AGBL3: variants seen among roughly 807,000 people sequenced by gnomAD.
The protein encoded by AGBL3 is cytosolic carboxypeptidase 3.
Under a neutral mutation model 94.5 loss-of-function variants are expected in AGBL3, and 68 were observed. The ratio of observed to expected loss-of-function variants is 0.72; its 90% CI spans 0.59 to 0.88. The LOEUF is 0.88. AGBL3 is among the 40% of genes least tolerant of loss of function. The pLI, the probability that AGBL3 is intolerant of heterozygous loss-of-function variation, is 0.00. For missense variants in AGBL3, 934 were observed against 1,103.8 expected, an observed-to-expected ratio of 0.85 and a Z score of 2.18; for synonymous variants, 354 against 370.7, an observed-to-expected ratio of 0.95 and a Z score of 0.52.
intron 1 of AGBL3, among the ~76,000 whole-genome samples, chr7:134,987,596 AAT>A (rs1459676066): frequency 1.2e-4 from 18 of 152,184 alleles, no homozygotes; most frequent in African/African-American, 3.9e-4. Context: ...TGTAGTATTT[AAT>A]TGTAAATATA....
chr7:135,097,926 T>A (rs1288014590), intron 15 of AGBL3, among the ~76,000 whole-genome samples: 1 of 152,174 alleles, frequency 6.6e-6, no homozygotes, highest in Non-Finnish European at 1.5e-5. Context: ...ATGCTCAGTT[T>A]AAGTTCAGAT....
intron 16 of AGBL3, among the ~76,000 whole-genome samples, chr7:135,122,868 C>T (rs912548526): frequency 2.0e-5 from 3 of 151,982 alleles, no homozygotes; most frequent in African/African-American, 7.3e-5. Flanking sequence ...ACAAACAAGC[C>T]CCCAGAAAAA....
intron 8 of AGBL3, among the ~76,000 whole-genome samples, chr7:135,038,366 G>A (rs868531477): frequency 6.6e-6 from 1 of 152,140 alleles, no homozygotes; most frequent in Non-Finnish European, 1.5e-5. Flanking sequence ...CAAGAAAGAC[G>A]GGAAAACCCA....
intron 13 of AGBL3, 119 bp downstream of exon 13, chr7:135,076,587 T>C (rs1289707563): frequency 4.0e-6 from 3 of 750,668 alleles, no homozygotes; most frequent in Non-Finnish European, 6.5e-6. Flanking sequence ...TAAAATTTTG[T>C]TCATATTATC....
intron 15 of AGBL3, among the ~76,000 whole-genome samples, chr7:135,089,514 G>T (rs905799017): frequency 1.3e-5 from 2 of 152,196 alleles, no homozygotes; most frequent in African/African-American, 4.8e-5. Context: ...CTTGTAGGGA[G>T]ACTTTCACCT....
intron 4 of AGBL3, among the ~76,000 whole-genome samples, chr7:135,005,370 T>C (rs1353340852): frequency 6.6e-6 from 1 of 151,800 alleles, no homozygotes; most frequent in African/African-American, 2.4e-5. Context: ...TTATAATTAC[T>C]TTTTAAAAAT....
intron 4 of AGBL3, among the ~76,000 whole-genome samples, chr7:135,004,139 A>C (rs1812082628): frequency 6.6e-6 from 1 of 151,766 alleles, no homozygotes. Context: ...AAACTTTACC[A>C]GAAATTATTA....
chr7:135,044,698 CTTG>C (rs917179065), intron 9 of AGBL3, among the ~76,000 whole-genome samples: 3 of 151,850 alleles, frequency 2.0e-5, no homozygotes, highest in Admixed American at 2.0e-4. Context: ...TACTTTTCAG[CTTG>C]TTTTTTTTAT....
At chr7:135,070,329 T>G (rs1403974378) in intron 12 of AGBL3, among the ~76,000 whole-genome samples, 3 of 152,328 alleles carry the variant, frequency 2.0e-5, no homozygotes, top group Admixed American at 1.3e-4. Context: ...CTTCTGAAAC[T>G]ATTCCAATCA....
At position 135,044,007 on chromosome 7, in the gene AGBL3, T is replaced by A; in HGVS notation, c.1501-18T>A. The A allele has an allele frequency of 4.5e-6, 7 of 1,544,950 alleles. No homozygotes were observed. Among genetic ancestry groups the A allele is most frequent in the Non-Finnish European group, 6.1e-6 (7 of 1,142,762 alleles). ...GGTACCAGAACAACGAGTCTCATTT[T>A]TATTTGCTGCTTTTCAGTTTTCATT... On this transcript the variant is annotated intron_variant, in intron 8 of 16. Transcript: ENST00000436302.
chr7:135,111,699 C>T (rs1043959503), intron 15 of AGBL3, among the ~76,000 whole-genome samples: 6 of 152,126 alleles, frequency 3.9e-5, no homozygotes, highest in East Asian at 3.9e-4. Flanking sequence ...ATTCATGAAA[C>T]GTGTTGAAAT....
At chr7:135,023,748 AG>A (rs1479006273) in intron 5 of AGBL3, among the ~76,000 whole-genome samples, 2 of 152,170 alleles carry the variant, frequency 1.3e-5, no homozygotes. Context: ...TCTGTTCTTC[AG>A]GCCCTCCTGC....
At chr7:134,998,598 C>T (rs183553202) in intron 4 of AGBL3, among the ~76,000 whole-genome samples, 1 of 152,330 alleles carries the variant, frequency 6.6e-6, no homozygotes, top group African/African-American at 2.4e-5. Flanking sequence ...CCTTTCAGCT[C>T]ATTCCCTTTT....
chr7:135,013,612 A>ATTTT (rs1219873584), intron 4 of AGBL3, among the ~76,000 whole-genome samples: 9 of 151,684 alleles, frequency 5.9e-5, no homozygotes, highest in African/African-American at 2.2e-4. Flanking sequence ...ATTGTGGTTG[A>ATTTT]CTCATTGTAG....
intron 12 of AGBL3, among the ~76,000 whole-genome samples, chr7:135,067,121 A>G (rs1211692698): frequency 1.3e-5 from 2 of 152,178 alleles, no homozygotes; most frequent in African/African-American, 2.4e-5. Context: ...TCCTACACCC[A>G]TGGAGCCTCG....
chr7:135,114,419 T>C (rs1159037292), intron 15 of AGBL3, among the ~76,000 whole-genome samples: 1 of 152,202 alleles, frequency 6.6e-6, no homozygotes, highest in South Asian at 2.1e-4. Flanking sequence ...ATAAACATTT[T>C]TTAAAATGTT....
At chr7:135,117,389 T>A (rs1226412443) in intron 16 of AGBL3, among the ~76,000 whole-genome samples, 2 of 152,208 alleles carry the variant, frequency 1.3e-5, no homozygotes, top group Non-Finnish European at 2.9e-5. Flanking sequence ...ATGATTACAT[T>A]CAGATGTAAC....
intron 7 of AGBL3, 146 bp from the exon 8 acceptor site, chr7:135,037,272 A>G (rs1816407174): frequency 3.7e-6 from 2 of 543,804 alleles, no homozygotes; most frequent in Admixed American, 4.1e-5. Flanking sequence ...AAAAAATTGT[A>G]TATTAATAAT....
At chr7:134,991,906 G>A (rs960575347) in intron 3 of AGBL3, among the ~76,000 whole-genome samples, 2 of 152,160 alleles carry the variant, frequency 1.3e-5, no homozygotes, top group Non-Finnish European at 2.9e-5. Context: ...CATTCAGCAG[G>A]CCAGAGCAAA....
Sources: gnomAD v4.1 joint callset for allele counts (sites outside exome capture counted in the v4.1 genomes callset) on GRCh38, gnomAD v4.1.1 for gene constraint, MANE v1.5 for transcripts, NCBI Gene and HGNC (gene_info 2026-07-23, HGNC 2026-07-21) for gene names.